Variants in LMX1A observed in about 807,000 individuals in gnomAD.
LMX1A encodes LIM homeobox transcription factor 1 alpha.
LMX1A carries 15 observed loss-of-function variants against 49.1 expected under a neutral mutation model. The ratio of observed to expected loss-of-function variants is 0.31; its 90% confidence interval spans 0.20 to 0.47. The LOEUF (loss-of-function observed/expected upper bound fraction) is 0.47. LMX1A is among the 20% of genes least tolerant of loss of function. The pLI, the probability that LMX1A is intolerant of heterozygous loss-of-function variation, is 1.00. For missense variants in LMX1A, 372 were observed against 475.8 expected (o/e 0.78, Z 2.03); for synonymous variants, 167 against 185.7 (o/e 0.90, Z 0.82).
intron 4 of LMX1A, among the ~76,000 whole-genome samples, chr1:165,239,395 A>G (rs1652565494): frequency 6.6e-6 from 1 of 152,202 alleles, no homozygotes; most frequent in Non-Finnish European, 1.5e-5. Context: ...TTTCAGTATC[A>G]AGTGTCCTGA....
intron 3 of LMX1A, among the ~76,000 whole-genome samples, chr1:165,272,686 G>A (rs565663402): frequency 2.0e-5 from 3 of 152,310 alleles, no homozygotes; most frequent in Admixed American, 2.0e-4. Context: ...TGCCTGGCGA[G>A]TGCTGAAATA....
chr1:165,327,491 G>C (rs1041578105), intron 3 of LMX1A, among the ~76,000 whole-genome samples: 1 of 152,226 alleles, frequency 6.6e-6, no homozygotes, highest in Non-Finnish European at 1.5e-5. Context: ...GCAAGGGCAG[G>C]ACTGCTGCCA....
intron 4 of LMX1A, among the ~76,000 whole-genome samples, chr1:165,247,081 G>C (rs201689544): frequency 1.9e-4 from 1 of 5,216 alleles, no homozygotes; most frequent in Non-Finnish European, 3.8e-4. Flanking sequence ...TTTTTTTTTT[G>C]CAGGGTTAGG....
rs567167395 is a variant in LMX1A at position 165,302,210 on chromosome 1, G to A, written c.263+50866C>T. ...CTCAGAACATTGGGAGGCCGGTGGG[G>A]GGCGGGGTGGATCACCTGAGGTCAG... On this transcript the variant is annotated intron_variant, in intron 3 of 8. Transcript: ENST00000342310. Among the ~76,000 whole-genome samples, 3 of 151,942 alleles carry A rather than the reference G, an allele frequency of 2.0e-5. No homozygotes were observed. The South Asian group carries it at 6.3e-4, about 32-fold the overall frequency.
chr1:165,268,799 T>C (rs902331498), intron 3 of LMX1A, among the ~76,000 whole-genome samples: 21 of 152,204 alleles, frequency 1.4e-4, no homozygotes, highest in Non-Finnish European at 2.5e-4. Flanking sequence ...GTTTGTAAAA[T>C]AGTACACAGT....
chr1:165,272,643 A>T (rs547726845), intron 3 of LMX1A, among the ~76,000 whole-genome samples: 34 of 152,200 alleles, frequency 2.2e-4, no homozygotes, highest in Non-Finnish European at 4.0e-4. Flanking sequence ...TGGAAGGAAG[A>T]GGATGAACTG....
At position 165,291,291 on chromosome 1, in the gene LMX1A, T is replaced by C. The variant is rs1304765287; in HGVS notation, c.264-41651A>G. Among the ~76,000 whole-genome samples, 3 of 152,198 alleles carry C rather than the reference T, an allele frequency of 2.0e-5. 1 individual carries two copies. Among genetic ancestry groups the C allele is most frequent in the Non-Finnish European group, 4.4e-5 (3 of 68,038 alleles). The stretch of plus-strand genomic sequence containing the variant: ...ACAGATTCTGGCTTTAAGGATGTGA[T>C]GATGAAAATGGAGAAACCCACCAAA... On this transcript the variant is annotated intron_variant, in intron 3 of 8. Coordinates refer to ENST00000342310, the MANE Select transcript of LMX1A (RefSeq NM_177398.4).
chr1:165,346,392 C>T (rs1010153990), intron 3 of LMX1A, among the ~76,000 whole-genome samples: 3 of 152,296 alleles, frequency 2.0e-5, no homozygotes, highest in Admixed American at 6.5e-5. Context: ...AGGAAAAGCA[C>T]AGTCCACTTT....
chr1:165,224,750 A>G (rs1240281644), intron 4 of LMX1A, among the ~76,000 whole-genome samples: 4 of 152,244 alleles, frequency 2.6e-5, no homozygotes, highest in African/African-American at 7.2e-5. Context: ...TGTGCTGTAG[A>G]GTTCTGCCTT....
At chr1:165,327,126 G>T (rs1655610017) in intron 3 of LMX1A, among the ~76,000 whole-genome samples, 1 of 152,142 alleles carries the variant, frequency 6.6e-6, no homozygotes, top group Non-Finnish European at 1.5e-5. Flanking sequence ...AGATCCAGAA[G>T]TCACCCTCTG....
At chr1:165,282,680 C>A (rs1310007762) in intron 3 of LMX1A, among the ~76,000 whole-genome samples, 1 of 152,132 alleles carries the variant, frequency 6.6e-6, no homozygotes, top group East Asian at 1.9e-4. Flanking sequence ...ATTCACGTGG[C>A]AGTTAGTAGG....
chr1:165,292,061 C>CAAAAAAAAAAA (rs771664986), intron 3 of LMX1A, among the ~76,000 whole-genome samples: 1 of 82,542 alleles, frequency 1.2e-5, no homozygotes, highest in African/African-American at 4.3e-5. Context: ...AACTCCGTCT[C>CAAAAAAAAAAA]AAAAAAAAAA....
intron 4 of LMX1A, among the ~76,000 whole-genome samples, chr1:165,222,525 A>C (rs1211040489): frequency 1.3e-5 from 2 of 152,226 alleles, no homozygotes. Flanking sequence ...TTTCTAGGCA[A>C]GGGTTGGAAG....
At chr1:165,291,521 ACT>A (rs1654466621) in intron 3 of LMX1A, among the ~76,000 whole-genome samples, 1 of 152,106 alleles carries the variant, frequency 6.6e-6, no homozygotes, top group Admixed American at 6.5e-5. Flanking sequence ...ATCATCTATG[ACT>A]CTGAGTACAG....
chr1:165,227,068 G>A (rs12126828), intron 4 of LMX1A, among the ~76,000 whole-genome samples: 15,100 of 152,220 alleles, frequency 0.099, 1,009 homozygotes, highest in Non-Finnish European at 0.15. Flanking sequence ...GGTCTCAGGG[G>A]ATCAGGGCAG....
At chr1:165,209,276 C>CAAATAGTGAGATATATGTGA (rs1263038044) in intron 6 of LMX1A, among the ~76,000 whole-genome samples, 1 of 152,172 alleles carries the variant, frequency 6.6e-6, no homozygotes, top group African/African-American at 2.4e-5. Context: ...ACCTGTGATA[C>CAAATAGTGAGATATATGTGA]TGTAAAGCAT....
chr1:165,211,193 A>T (rs1356775255), intron 5 of LMX1A: 1 of 153,428 alleles, frequency 6.5e-6, no homozygotes, highest in Non-Finnish European at 1.4e-5. Context: ...TCTTGCCTAA[A>T]TTCATTGACC....
intron 3 of LMX1A, among the ~76,000 whole-genome samples, chr1:165,345,740 C>T (rs188545005): frequency 1.3e-5 from 2 of 152,280 alleles, no homozygotes; most frequent in Admixed American, 1.3e-4. Context: ...CCTCTAAAGG[C>T]TAATTAGGCC....
chr1:165,343,360 CT>C (rs1481960990), intron 3 of LMX1A, among the ~76,000 whole-genome samples: 1 of 151,622 alleles, frequency 6.6e-6, no homozygotes, highest in Non-Finnish European at 1.5e-5. Flanking sequence ...TCATACACAG[CT>C]TCTAAAACTA....
Sources: allele counts gnomAD v4.1 joint callset (sites outside exome capture counted in the v4.1 genomes callset), GRCh38; gene constraint gnomAD v4.1.1; transcripts MANE v1.5; gene names NCBI Gene and HGNC (gene_info 2026-07-23, HGNC 2026-07-21).